KATNBL1: variants seen among roughly 807,000 people sequenced by gnomAD.
The protein encoded by KATNBL1 is KATNB1-like protein 1.
Under a neutral mutation model 44.7 loss-of-function variants are expected in KATNBL1, and 28 were observed. The ratio of observed to expected loss-of-function variants is 0.63; its 90% CI spans 0.46 to 0.86. The LOEUF (loss-of-function observed/expected upper bound fraction) is 0.86, where lower values mean the gene tolerates loss of function less well. KATNBL1 is among the 40% of genes least tolerant of loss of function. The probability of loss-of-function intolerance (pLI) is 0.00; values close to 1 mark genes in which losing one functional copy is unlikely to be tolerated. For missense variants in KATNBL1, 272 were observed against 350.7 expected, an observed-to-expected ratio of 0.78 and a Z score of 1.79; for synonymous variants, 78 against 114.9, an observed-to-expected ratio of 0.68 and a Z score of 2.06.
chr15:34,199,363 G>T (rs1890109616), intron 1 of KATNBL1, among the ~76,000 whole-genome samples: 1 of 152,180 alleles, frequency 6.6e-6, no homozygotes, highest in Non-Finnish European at 1.5e-5. Context: ...CTTGAACCCG[G>T]GAGGTGGAGG....
intron 1 of KATNBL1, among the ~76,000 whole-genome samples, chr15:34,178,192 A>G (rs905809552): frequency 2.0e-5 from 3 of 152,236 alleles, no homozygotes; most frequent in African/African-American, 7.2e-5. Context: ...CAACTGGAAT[A>G]AACATTTTCA....
chr15:34,195,687 T>C (rs1289501687), intron 1 of KATNBL1, among the ~76,000 whole-genome samples: 2 of 128,842 alleles, frequency 1.6e-5, no homozygotes, highest in Non-Finnish European at 3.1e-5. Context: ...AGAGACGCCA[T>C]CTCAAAAAAA....
At chr15:34,142,523 CATTTGTTCAGCACAGGGCCTGG>C (rs1888179619) in intron 9 of KATNBL1, 152 bp from the exon 10 acceptor site, 1 of 753,542 alleles carries the variant, frequency 1.3e-6, no homozygotes. Context: ...CTTTTATCTG[CATTTGTTCAGCACAGGGCCTGG>C]CACATAGTAT....
At chr15:34,177,240 T>G (rs1889360999) in intron 1 of KATNBL1, among the ~76,000 whole-genome samples, 1 of 152,182 alleles carries the variant, frequency 6.6e-6, no homozygotes, top group Non-Finnish European at 1.5e-5. Flanking sequence ...CAGAAGCATG[T>G]AGAAGGAATT....
At chr15:34,206,602 C>G (rs988268925) in intron 1 of KATNBL1, among the ~76,000 whole-genome samples, 1 of 152,124 alleles carries the variant, frequency 6.6e-6, no homozygotes, top group Non-Finnish European at 1.5e-5. Context: ...ACCAGCCTGG[C>G]CGACATGGCG....
intron 1 of KATNBL1, among the ~76,000 whole-genome samples, chr15:34,197,780 C>T (rs1890064635): frequency 1.3e-5 from 2 of 152,154 alleles, no homozygotes; most frequent in Admixed American, 6.5e-5. Flanking sequence ...CGGAGTCTCG[C>T]TCTGTTGCCC....
rs1491367010 is a variant in KATNBL1, at chr15:34,151,435, A to ATTTTTTT, written c.438+1354_438+1355insAAAAAAA. Among the ~76,000 whole-genome samples, 30 of 63,832 alleles carry ATTTTTTT rather than the reference A, an allele frequency of 4.7e-4. 2 individuals are homozygous for ATTTTTTT. Among genetic ancestry groups the ATTTTTTT allele is most frequent in the Non-Finnish European group, 8.0e-4 (25 of 31,212 alleles). 41.9% of individuals were successfully genotyped at this position (63,832 alleles called of 152,430 possible). On this transcript the variant is annotated intron_variant, in intron 4 of 9. Transcript: ENST00000256544. The stretch of plus-strand genomic sequence containing the variant: ...AAAGTGTCTATTGTGTCCTTTGCCT[A>ATTTTTTT]CTTTTTTTTTTTTTTTTTTTTTTTT...
intron 2 of KATNBL1, among the ~76,000 whole-genome samples, chr15:34,157,345 G>A (rs1263592098): frequency 6.6e-6 from 1 of 152,142 alleles, no homozygotes; most frequent in Non-Finnish European, 1.5e-5. Context: ...TCCCATTTCT[G>A]CTGTTTGAAC....
chr15:34,185,975 T>C (rs112102800), intron 1 of KATNBL1, among the ~76,000 whole-genome samples: 4 of 152,328 alleles, frequency 2.6e-5, no homozygotes, highest in African/African-American at 9.6e-5. Flanking sequence ...AAGGAATTCA[T>C]ATAAGACAAG....
intron 1 of KATNBL1, among the ~76,000 whole-genome samples, chr15:34,168,507 A>G (rs887020254): frequency 6.6e-6 from 1 of 152,180 alleles, no homozygotes; most frequent in Admixed American, 6.5e-5. Flanking sequence ...TCAACACTCC[A>G]CTGTCAATAT....
At position 34,142,000 on chromosome 15, in the gene KATNBL1, T is replaced by C. The variant is rs549315853; in HGVS notation, c.*339A>G. ...AGTCCTGTCTTATTTTTTCACATAG[T>C]ATAAATTATATTTTTATGCAGGATT... On this transcript the variant is annotated 3_prime_UTR_variant, in exon 10 of 10. Coordinates refer to ENST00000256544, the MANE Select transcript of KATNBL1 (RefSeq NM_024713.3). 7.5e-4 allele frequency: 132 copies of C among 177,000 alleles called. No individual in the cohort carries two copies. The highest frequency in any genetic ancestry group is 2.0e-3 in the Admixed American group (32 of 16,100). 11.0% of individuals were successfully genotyped at this position (177,000 alleles called of 1,614,324 possible).
intron 4 of KATNBL1, among the ~76,000 whole-genome samples, chr15:34,149,577 A>C (rs1031222167): frequency 1.3e-5 from 2 of 152,094 alleles, no homozygotes; most frequent in Non-Finnish European, 2.9e-5. Flanking sequence ...GGCACCCAAC[A>C]CAACACCCAA....
At chr15:34,173,396 A>C (rs545969730) in intron 1 of KATNBL1, among the ~76,000 whole-genome samples, 1 of 152,330 alleles carries the variant, frequency 6.6e-6, no homozygotes, top group African/African-American at 2.4e-5. Context: ...TGGTCATGTA[A>C]AAATGACAGA....
At chr15:34,178,734 C>T (rs970447115) in intron 1 of KATNBL1, among the ~76,000 whole-genome samples, 12 of 124,022 alleles carry the variant, frequency 9.7e-5, no homozygotes, top group Middle Eastern at 6.8e-3. Context: ...CCAGCCTGGG[C>T]GACAGAGCAA....
At chr15:34,188,568 G>C (rs1889789138) in intron 1 of KATNBL1, among the ~76,000 whole-genome samples, 1 of 151,976 alleles carries the variant, frequency 6.6e-6, no homozygotes, top group African/African-American at 2.4e-5. Flanking sequence ...AAAGGGGGAA[G>C]AAAAAAAGTT....
chr15:34,163,011 T>G (rs1888853675), intron 2 of KATNBL1, among the ~76,000 whole-genome samples: 1 of 151,922 alleles, frequency 6.6e-6, no homozygotes, highest in African/African-American at 2.4e-5. Flanking sequence ...AATATTTAAA[T>G]TATATCATAT....
At chr15:34,202,948 G>A (rs527329934) in intron 1 of KATNBL1, among the ~76,000 whole-genome samples, 68 of 152,108 alleles carry the variant, frequency 4.5e-4, no homozygotes, top group African/African-American at 1.3e-3. Flanking sequence ...CCAAGATCAC[G>A]CCATTGCACT....
intron 1 of KATNBL1, among the ~76,000 whole-genome samples, chr15:34,194,585 C>A (rs1052677965): frequency 6.6e-6 from 1 of 152,180 alleles, no homozygotes; most frequent in African/African-American, 2.4e-5. Context: ...GATTGTGCCA[C>A]TGCACTCCAG....
chr15:34,154,705 G>C (rs1031452664), intron 2 of KATNBL1, 21 bp from the exon 3 acceptor site: 1 of 1,516,510 alleles, frequency 6.6e-7, no homozygotes, highest in African/African-American at 1.4e-5. Context: ...AAAGTAGATA[G>C]TTGATGTTAG....
Sources: allele counts gnomAD v4.1 joint callset (sites outside exome capture counted in the v4.1 genomes callset), GRCh38; gene constraint gnomAD v4.1.1; transcripts MANE v1.5; gene names NCBI Gene and HGNC (gene_info 2026-07-23, HGNC 2026-07-21).